The following GULP1 variants were observed in gnomAD, a reference collection of about 807,000 sequenced individuals.
GULP1 encodes the protein GULP PTB domain containing engulfment adaptor 1.
A neutral mutation model predicts 40.9 loss-of-function variants in GULP1; 19 were observed. The observed-to-expected ratio is 0.46, with a 90% confidence interval of 0.32 to 0.68. The LOEUF is 0.68. GULP1 is among the 30% of genes least tolerant of loss of function. The pLI, the probability that GULP1 is intolerant of heterozygous loss-of-function variation, is 0.03. For synonymous variants in GULP1, 119 were observed against 117.6 expected (o/e 1.01, Z -0.08); for missense variants, 312 against 362.2 (o/e 0.86, Z 1.12).
At position 188,533,274 on chromosome 2, in the gene GULP1, G is replaced by A. The variant is rs1364111929; in HGVS notation, c.261+4079G>A. Reference sequence around the variant, plus strand: ...AGGGTCAAAAATTAAGCTGGGCTTAGAAAAAGTCTGTGGTACAGCAACAGT... The same window carrying A: ...AGGGTCAAAAATTAAGCTGGGCTTAAAAAAAGTCTGTGGTACAGCAACAGT... On this transcript the variant is annotated intron_variant, in intron 6 of 11. Coordinates refer to ENST00000409830, the MANE Select transcript of GULP1 (RefSeq NM_016315.4). Among the ~76,000 whole-genome samples, 5 of 152,056 alleles carry A rather than the reference G, an allele frequency of 3.3e-5. No individual in the cohort carries two copies. The East Asian group carries it at 9.7e-4, about 29-fold the overall frequency.
rs1315563303 is a variant in GULP1, at chr2:188,294,243, AC to A, written c.-172+2079del. 6 of 152,280 alleles carry A rather than the reference AC, an allele frequency of 3.9e-5. No individual in the cohort carries two copies. The East Asian group carries it at 1.2e-3, about 29-fold the overall frequency. The allele number at this position is 152,280 out of a possible 1,614,324, so 9.4% of individuals were successfully genotyped here. On this transcript the variant is annotated intron_variant, in intron 1 of 11. Coordinates refer to ENST00000409830, the MANE Select transcript of GULP1 (RefSeq NM_016315.4). Reference sequence around the variant, plus strand: ...TAAGGGTTTGAGCAGATGGTTTTCTACCTAAATTGAATAATTCAATTACGTA... The same window carrying A: ...TAAGGGTTTGAGCAGATGGTTTTCTACTAAATTGAATAATTCAATTACGTA...
intron 2 of GULP1, among the ~76,000 whole-genome samples, chr2:188,390,814 C>A (rs1574948860): frequency 6.6e-6 from 1 of 151,902 alleles, no homozygotes; most frequent in Admixed American, 6.6e-5. Flanking sequence ...GATAGGGATC[C>A]AGTTTCACTC....
chr2:188,303,011 G>A (rs10187646), intron 1 of GULP1, among the ~76,000 whole-genome samples: 23,113 of 152,074 alleles, frequency 0.15, 1,906 homozygotes, highest in African/African-American at 0.17. Context: ...CCCAACGCCT[G>A]TTATGATGGT....
intron 11 of GULP1, chr2:188,590,918 G>A (rs1417890365): frequency 6.6e-6 from 1 of 151,972 alleles, no homozygotes; most frequent in Non-Finnish European, 1.5e-5. Context: ...ATAAATTTCA[G>A]AAGTAATCAA....
At chr2:188,308,113 A>ATT (rs71399274) in intron 1 of GULP1, among the ~76,000 whole-genome samples, 3 of 50,626 alleles carry the variant, frequency 5.9e-5, no homozygotes, top group Admixed American at 3.2e-4. Flanking sequence ...CTTTTAGGTC[A>ATT]TTTTTTTTTT....
intron 2 of GULP1, among the ~76,000 whole-genome samples, chr2:188,451,998 G>T (rs72911461): frequency 0.11 from 16,344 of 152,136 alleles, 998 homozygotes; most frequent in Middle Eastern, 0.18. Flanking sequence ...TGCAGAATTA[G>T]GATGAATTGT....
intron 6 of GULP1, among the ~76,000 whole-genome samples, chr2:188,540,007 TATAACCTAAA>T (rs1331360510): frequency 6.6e-6 from 1 of 152,086 alleles, no homozygotes; most frequent in Admixed American, 6.6e-5. Context: ...CTCTTCTAGT[TATAACCTAAA>T]ATAAAGCTTT....
intron 2 of GULP1, among the ~76,000 whole-genome samples, chr2:188,421,786 G>T (rs1307612827): frequency 6.6e-6 from 1 of 152,084 alleles, no homozygotes; most frequent in Non-Finnish European, 1.5e-5. Flanking sequence ...AGAGGCAGAG[G>T]GACAAGTAAT....
At position 188,559,475 on chromosome 2, in the gene GULP1, G is replaced by A. The variant is rs539819218; in HGVS notation, c.400-9764G>A. Among the ~76,000 whole-genome samples the A allele has an allele frequency of 1.8e-4, 28 of 152,298 alleles. No homozygotes were observed. In the South Asian group the frequency reaches 2.7e-3, roughly 15 times the overall value. On this transcript the variant is annotated intron_variant, in intron 7 of 11. Transcript: ENST00000409830. The stretch of plus-strand genomic sequence containing the variant: ...TGGAGAACCTCTGCTAGGGCAGTGC[G>A]GAAGGGAAATGTGGGGTCAGAGCCC...
chr2:188,543,127 T>C (rs909146146), intron 7 of GULP1, among the ~76,000 whole-genome samples: 4 of 152,146 alleles, frequency 2.6e-5, no homozygotes, highest in African/African-American at 9.6e-5. Flanking sequence ...ATTGTTCTCC[T>C]TGGATATAGC....
At chr2:188,336,980 A>T (rs2042336990) in intron 1 of GULP1, among the ~76,000 whole-genome samples, 1 of 152,128 alleles carries the variant, frequency 6.6e-6, no homozygotes, top group Non-Finnish European at 1.5e-5. Context: ...CACCTTTGAT[A>T]ATTCCTTCCA....
chr2:188,582,324 C>G (rs1049583646), intron 9 of GULP1: 6 of 468,934 alleles, frequency 1.3e-5, no homozygotes, highest in African/African-American at 1.2e-4. Context: ...ATTTCTTTTT[C>G]TGTCATTCCT....
At chr2:188,592,036 G>C (rs1703660360) in intron 11 of GULP1, 1 of 151,752 alleles carries the variant, frequency 6.6e-6, no homozygotes, top group Non-Finnish European at 1.5e-5. Flanking sequence ...AATATGTAAG[G>C]ATCCTTAAAA....
intron 4 of GULP1, among the ~76,000 whole-genome samples, chr2:188,517,296 T>C (rs1559333869): frequency 6.6e-6 from 1 of 152,176 alleles, no homozygotes; most frequent in Non-Finnish European, 1.5e-5. Flanking sequence ...CTTCTTATAA[T>C]TTTTTCTAAC....
rs545085523 is a variant in GULP1 at position 188,370,444 on chromosome 2, T to C, written c.-171-13319T>C. Reference sequence around the variant, plus strand: ...AGACATAACTATTCCTCACTGAGTTTTTGAGACTTTCTTTGGATCTCATTG... The same window carrying C: ...AGACATAACTATTCCTCACTGAGTTCTTGAGACTTTCTTTGGATCTCATTG... On this transcript the variant is annotated intron_variant, in intron 1 of 11. Transcript: ENST00000409830. 2.6e-5 allele frequency among the ~76,000 whole-genome samples: 4 copies of C among 152,318 alleles called. No homozygotes were observed. In the East Asian group the frequency reaches 7.7e-4, roughly 29 times the overall value.
chr2:188,548,738 A>G (rs763330730), intron 7 of GULP1, among the ~76,000 whole-genome samples: 25 of 151,904 alleles, frequency 1.6e-4, no homozygotes, highest in Non-Finnish European at 3.2e-4. Context: ...CAATAGGTCA[A>G]TGGAAGAGTG....
At chr2:188,492,649 T>C (rs932369492) in intron 4 of GULP1, among the ~76,000 whole-genome samples, 1 of 150,580 alleles carries the variant, frequency 6.6e-6, no homozygotes, top group Non-Finnish European at 1.5e-5. Context: ...GAATTAACTT[T>C]AAAAAAAAAG....
intron 6 of GULP1, among the ~76,000 whole-genome samples, chr2:188,538,682 AGTGTGTGTGTGAGTGTGTGT>A (rs988641511): frequency 6.1e-5 from 9 of 146,896 alleles, no homozygotes; most frequent in African/African-American, 2.3e-4. Context: ...TGTGTGTGTG[AGTGTGTGTGTGAGTGTGTGT>A]GTGTGTGTGT....
At chr2:188,399,690 G>GA (rs55877284) in intron 2 of GULP1, among the ~76,000 whole-genome samples, 10,689 of 64,488 alleles carry the variant, frequency 0.17, 1,679 homozygotes, top group Middle Eastern at 0.26. Flanking sequence ...GTCCCTACAA[G>GA]AAAAAAAAAA....
Sources: allele counts gnomAD v4.1 joint callset (sites outside exome capture counted in the v4.1 genomes callset), GRCh38; gene constraint gnomAD v4.1.1; transcripts MANE v1.5; gene names NCBI Gene and HGNC (gene_info 2026-07-23, HGNC 2026-07-21).